Variants in HECW2 observed in about 807,000 individuals in gnomAD.
HECW2 encodes the protein E3 ubiquitin-protein ligase HECW2.
Under a neutral mutation model 175.2 loss-of-function variants are expected in HECW2, and 61 were observed. The ratio of observed to expected loss-of-function variants is 0.35; its 90% confidence interval spans 0.28 to 0.43. HECW2 has a LOEUF of 0.43. Among genes scored for constraint, HECW2 ranks in the 20% least tolerant of loss-of-function variants. The pLI, the probability that HECW2 is intolerant of heterozygous loss-of-function variation, is 1.00. For missense variants in HECW2, 1,524 were observed against 2,000.5 expected (o/e 0.76, Z 4.54); for synonymous variants, 671 against 731.0 (o/e 0.92, Z 1.32).
At chr2:196,448,672 G>T (rs554073054) in intron 1 of HECW2, among the ~76,000 whole-genome samples, 20 of 152,272 alleles carry the variant, frequency 1.3e-4, no homozygotes, top group African/African-American at 4.3e-4. Context: ...TATCTTTGCA[G>T]ATATAGAAAG....
intron 13 of HECW2, among the ~76,000 whole-genome samples, chr2:196,293,523 T>A (rs1439729882): frequency 6.6e-6 from 1 of 152,164 alleles, no homozygotes; most frequent in Non-Finnish European, 1.5e-5. Flanking sequence ...TACCTAGTAA[T>A]GGGATTGCTG....
intron 2 of HECW2, among the ~76,000 whole-genome samples, chr2:196,356,393 A>G (rs1693369436): frequency 6.6e-6 from 1 of 152,232 alleles, no homozygotes; most frequent in African/African-American, 2.4e-5. Flanking sequence ...GTCTGAAAAT[A>G]TTAAATGGAA....
chr2:196,422,755 A>T (rs918428592), intron 2 of HECW2, among the ~76,000 whole-genome samples: 2 of 152,166 alleles, frequency 1.3e-5, no homozygotes, highest in African/African-American at 4.8e-5. Flanking sequence ...TTAAAATTTT[A>T]AAAATATGAC....
intron 2 of HECW2, among the ~76,000 whole-genome samples, chr2:196,403,277 C>T (rs1047966194): frequency 6.6e-6 from 1 of 152,114 alleles, no homozygotes; most frequent in Non-Finnish European, 1.5e-5. Context: ...TGACAGCTGA[C>T]GTAATGTACA....
rs907112206 is a variant in HECW2 at position 196,199,395 on chromosome 2, C to T, written c.*1882G>A. The T allele has an allele frequency of 1.3e-5, 2 of 152,368 alleles. No individual in the cohort carries two copies. The highest frequency in any genetic ancestry group is 4.8e-5 in the African/African-American group (2 of 41,400). 9.4% of individuals were successfully genotyped at this position (152,368 alleles called of 1,614,324 possible). A position where few individuals can be genotyped will look rare whatever the true frequency, so the allele number is the denominator to read the frequency against. On this transcript the variant is annotated 3_prime_UTR_variant, in exon 29 of 29. Coordinates refer to ENST00000644978, the MANE Select transcript of HECW2 (RefSeq NM_001348768.2). ...TTTCCAGATTTCTATAACCCTTTTTCAGAACATTTCTTCACACTGCAGTAC... is the reference window on the plus strand; with the variant it reads ...TTTCCAGATTTCTATAACCCTTTTTTAGAACATTTCTTCACACTGCAGTAC...
At chr2:196,530,700 T>C (rs1688810273) in intron 1 of HECW2, among the ~76,000 whole-genome samples, 1 of 152,188 alleles carries the variant, frequency 6.6e-6, no homozygotes, top group Non-Finnish European at 1.5e-5. Flanking sequence ...AACAATTCAA[T>C]TTCCCTAATC....
At chr2:196,206,554 T>C (rs1169515620) in intron 28 of HECW2, among the ~76,000 whole-genome samples, 1 of 152,254 alleles carries the variant, frequency 6.6e-6, no homozygotes, top group Non-Finnish European at 1.5e-5. Context: ...GCATTATATT[T>C]CATTTATTCC....
chr2:196,317,168 C>G lies in HECW2; in HGVS notation c.2434+106G>C, dbSNP rs1468805493. On this transcript the variant is annotated intron_variant, in intron 10 of 28. Coordinates refer to ENST00000644978, the MANE Select transcript of HECW2 (RefSeq NM_001348768.2). ...TCAAGTGGCAACCCCCAGATTCCTT[C>G]CGCTTGAAGACCATGTATCCATCTT... The G allele has an allele frequency of 1.3e-5, 11 of 858,680 alleles. No individual in the cohort carries two copies. In the Admixed American group the frequency reaches 2.3e-4, roughly 18 times the overall value. 53.2% of individuals were successfully genotyped at this position (858,680 alleles called of 1,614,324 possible).
chr2:196,238,710 T>A (rs1252923740), intron 21 of HECW2: 10 of 152,216 alleles, frequency 6.6e-5, no homozygotes. Flanking sequence ...TTCCCTCCGA[T>A]GTCACAGGAA....
intron 4 of HECW2, chr2:196,331,455 C>T (rs1692356024): frequency 4.8e-6 from 1 of 209,556 alleles, no homozygotes; most frequent in Non-Finnish European, 8.3e-6. Context: ...ATCCTAGAAA[C>T]TGCGGCCTCT....
intron 1 of HECW2, among the ~76,000 whole-genome samples, chr2:196,532,476 CAG>C (rs1688874703): frequency 1.3e-5 from 2 of 151,910 alleles, no homozygotes; most frequent in South Asian, 2.1e-4. Context: ...CAGGGCCTGT[CAG>C]GGGGTGGGTG....
intron 23 of HECW2, among the ~76,000 whole-genome samples, chr2:196,223,737 G>A (rs543798438): frequency 3.5e-4 from 54 of 152,288 alleles, no homozygotes; most frequent in Admixed American, 2.7e-3. Context: ...TATTTAAAAT[G>A]GGGTGGGATG....
chr2:196,201,525 C>G (rs939638613), intron 28 of HECW2, 137 bp from the exon 29 acceptor site: 3 of 503,994 alleles, frequency 6.0e-6, no homozygotes, highest in Non-Finnish European at 1.1e-5. Flanking sequence ...AATTTTCACA[C>G]TCCTTTTGAA....
At chr2:196,468,986 G>A (rs1233815694) in intron 1 of HECW2, among the ~76,000 whole-genome samples, 2 of 152,140 alleles carry the variant, frequency 1.3e-5, no homozygotes, top group Non-Finnish European at 2.9e-5. Context: ...TATCGTGATG[G>A]AAGAAGCAAC....
At chr2:196,369,935 T>C (rs2105900453) in intron 2 of HECW2, among the ~76,000 whole-genome samples, 1 of 152,206 alleles carries the variant, frequency 6.6e-6, no homozygotes, top group Non-Finnish European at 1.5e-5. Flanking sequence ...GGCTCCCCTC[T>C]GGCCCAGGGT....
At chr2:196,382,088 A>C (rs1025029631) in intron 2 of HECW2, among the ~76,000 whole-genome samples, 4 of 152,162 alleles carry the variant, frequency 2.6e-5, no homozygotes, top group Non-Finnish European at 5.9e-5. Context: ...TATATAAGTG[A>C]AACAAAGTGT....
intron 2 of HECW2, among the ~76,000 whole-genome samples, chr2:196,375,796 C>T (rs1490990495): frequency 1.3e-5 from 2 of 152,228 alleles, no homozygotes; most frequent in Non-Finnish European, 2.9e-5. Context: ...AGTGAAATAG[C>T]CTCTACTTAT....
chr2:196,539,457 C>A (rs888244465), intron 1 of HECW2, among the ~76,000 whole-genome samples: 12 of 151,946 alleles, frequency 7.9e-5, no homozygotes, highest in Non-Finnish European at 1.8e-4. Flanking sequence ...ATGGTGAAAC[C>A]CTGTCTCTAC....
intron 1 of HECW2, among the ~76,000 whole-genome samples, chr2:196,494,189 T>G (rs1687299885): frequency 6.6e-6 from 1 of 152,168 alleles, no homozygotes; most frequent in South Asian, 2.1e-4. Context: ...GCCAAGAGTG[T>G]AGCAGTGGGA....
Sources: gnomAD v4.1 joint callset for allele counts (sites outside exome capture counted in the v4.1 genomes callset) on GRCh38, gnomAD v4.1.1 for gene constraint, MANE v1.5 for transcripts, NCBI Gene and HGNC (gene_info 2026-07-23, HGNC 2026-07-21) for gene names.